The following SNX29 variants were observed in gnomAD, a reference collection of about 807,000 sequenced individuals.
SNX29 encodes the protein sorting nexin-29.
SNX29 carries 78 observed loss-of-function variants against 102.1 expected under a neutral mutation model. The observed-to-expected ratio is 0.76, with a 90% CI of 0.64 to 0.92. The LOEUF (loss-of-function observed/expected upper bound fraction) is 0.92. Ranked by LOEUF, SNX29 falls within the 40% of genes least tolerant of loss-of-function variation. The probability of loss-of-function intolerance (pLI) is 0.00; values close to 1 mark genes in which losing one functional copy is unlikely to be tolerated. For missense variants in SNX29, 1,280 were observed against 1,061.7 expected (o/e 1.21, Z -2.86); for synonymous variants, 580 against 414.5 (o/e 1.40, Z -4.85).
intron 19 of SNX29, among the ~76,000 whole-genome samples, chr16:12,498,830 T>C (rs553022985): frequency 2.0e-5 from 3 of 152,144 alleles, no homozygotes; most frequent in East Asian, 1.9e-4. Context: ...CCAACAAAAG[T>C]AAAATTGCTC....
At chr16:12,178,676 A>G (rs2076315616) in intron 13 of SNX29, among the ~76,000 whole-genome samples, 1 of 152,248 alleles carries the variant, frequency 6.6e-6, no homozygotes, top group South Asian at 2.1e-4. Context: ...CCTCTCTGTT[A>G]TCGTGCATAC....
At chr16:12,535,848 C>T (rs910060479) in intron 20 of SNX29, among the ~76,000 whole-genome samples, 1 of 152,116 alleles carries the variant, frequency 6.6e-6, no homozygotes, top group Non-Finnish European at 1.5e-5. Context: ...TTAGATCGGC[C>T]ATGGGAGCCC....
intron 16 of SNX29, among the ~76,000 whole-genome samples, chr16:12,392,220 A>G (rs1322401297): frequency 6.6e-6 from 1 of 152,208 alleles, no homozygotes. Flanking sequence ...ATAGCTGCGC[A>G]GCCTGGCTAT....
chr16:12,542,514 G>A (rs187832068), intron 20 of SNX29, among the ~76,000 whole-genome samples: 19 of 152,222 alleles, frequency 1.2e-4, no homozygotes, highest in Non-Finnish European at 2.5e-4. Flanking sequence ...GTATTTTTAG[G>A]AGAGGCAGGG....
At position 12,138,657 on chromosome 16, in the gene SNX29, C is replaced by T. The variant is rs138498470; in HGVS notation, c.1595+8899C>T. 1.2e-3 allele frequency among the ~76,000 whole-genome samples: 177 copies of T among 152,206 alleles called. 2 individuals carry two copies. In the Middle Eastern group the frequency reaches 0.014, roughly 12 times the overall value. ...CAGAAATAAGACCCAGTTTTTGTTA[C>T]ATGTCTTTCAAAAATTAACATTTGC... On this transcript the variant is annotated intron_variant, in intron 13 of 20. Transcript: ENST00000566228.
At chr16:12,268,751 C>T (rs2079006886) in intron 14 of SNX29, among the ~76,000 whole-genome samples, 1 of 152,168 alleles carries the variant, frequency 6.6e-6, no homozygotes, top group Admixed American at 6.5e-5. Context: ...ACACTGTTTG[C>T]ATCTGGGTCA....
chr16:12,276,380 C>A (rs1315427355), intron 14 of SNX29, among the ~76,000 whole-genome samples: 4 of 152,186 alleles, frequency 2.6e-5, no homozygotes, highest in Non-Finnish European at 5.9e-5. Flanking sequence ...TTCCTGCTGT[C>A]ACTCAGGGTC....
At chr16:12,297,579 T>C (rs141433586) in intron 15 of SNX29, among the ~76,000 whole-genome samples, 124 of 152,178 alleles carry the variant, frequency 8.1e-4, no homozygotes, top group African/African-American at 2.9e-3. Context: ...GCACCCCCTG[T>C]TGTGTTATAA....
At chr16:12,434,906 C>G (rs541887151) in intron 18 of SNX29, among the ~76,000 whole-genome samples, 98 of 150,282 alleles carry the variant, frequency 6.5e-4, no homozygotes, top group Non-Finnish European at 1.1e-3. Context: ...ATAAATTCAG[C>G]CTTCTGGGGT....
At chr16:12,308,225 A>G (rs577060947) in intron 15 of SNX29, among the ~76,000 whole-genome samples, 1 of 152,324 alleles carries the variant, frequency 6.6e-6, no homozygotes, top group East Asian at 1.9e-4. Context: ...ATTTATGCCT[A>G]CTGCTCATCT....
chr16:12,441,735 C>T (rs980765526), intron 18 of SNX29, among the ~76,000 whole-genome samples: 3 of 152,136 alleles, frequency 2.0e-5, no homozygotes, highest in African/African-American at 7.2e-5. Flanking sequence ...GTGTTTTCTT[C>T]TGAGAGTTTT....
intron 14 of SNX29, among the ~76,000 whole-genome samples, chr16:12,256,970 C>T (rs1347970560): frequency 6.6e-6 from 1 of 152,224 alleles, no homozygotes; most frequent in Non-Finnish European, 1.5e-5. Flanking sequence ...CAACAAATGG[C>T]TGATAACAAA....
intron 8 of SNX29, among the ~76,000 whole-genome samples, chr16:12,058,677 A>G (rs2050628521): frequency 6.6e-6 from 1 of 151,082 alleles, no homozygotes; most frequent in Non-Finnish European, 1.5e-5. Flanking sequence ...TATTTTTAGT[A>G]GAGACGGGGT....
chr16:12,457,911 G>A (rs1163763471), intron 18 of SNX29, among the ~76,000 whole-genome samples: 1 of 152,190 alleles, frequency 6.6e-6, no homozygotes, highest in Admixed American at 6.5e-5. Flanking sequence ...TCCTCGTGAT[G>A]ACTAATACAT....
chr16:12,548,269 G>C (rs1039992617), intron 20 of SNX29, among the ~76,000 whole-genome samples: 1 of 152,182 alleles, frequency 6.6e-6, no homozygotes, highest in African/African-American at 2.4e-5. Context: ...ACCAGATGTG[G>C]ACCTGACTGG....
intron 19 of SNX29, among the ~76,000 whole-genome samples, chr16:12,504,661 A>C (rs1407562793): frequency 1.3e-5 from 2 of 152,248 alleles, no homozygotes; most frequent in Admixed American, 6.5e-5. Flanking sequence ...GACCACACTC[A>C]CATTACTTTT....
At chr16:12,498,051 A>G (rs1235828565) in intron 19 of SNX29, among the ~76,000 whole-genome samples, 5 of 152,174 alleles carry the variant, frequency 3.3e-5, no homozygotes, top group Non-Finnish European at 7.3e-5. Context: ...CTGTGGGGAG[A>G]AGGGAAAGAG....
intron 20 of SNX29, among the ~76,000 whole-genome samples, chr16:12,553,560 G>A (rs1004735386): frequency 1.3e-5 from 2 of 151,998 alleles, no homozygotes; most frequent in South Asian, 2.1e-4. Flanking sequence ...GAGCTAAGCA[G>A]GAGCTGTGGG....
intron 13 of SNX29, among the ~76,000 whole-genome samples, chr16:12,131,353 C>T (rs2054460483): frequency 6.6e-6 from 1 of 152,248 alleles, no homozygotes; most frequent in African/African-American, 2.4e-5. Context: ...CAGATCCCAA[C>T]TTACATGCAT....
Sources: gnomAD v4.1 joint callset for allele counts (sites outside exome capture counted in the v4.1 genomes callset) on GRCh38, gnomAD v4.1.1 for gene constraint, MANE v1.5 for transcripts, NCBI Gene and HGNC (gene_info 2026-07-23, HGNC 2026-07-21) for gene names.